Variants in PIBF1 observed in about 807,000 individuals in gnomAD.
PIBF1 encodes progesterone-induced-blocking factor 1.
PIBF1 carries 90 observed loss-of-function variants against 112.5 expected under a neutral mutation model. That is an observed-to-expected ratio of 0.80 (90% CI 0.67 to 0.95). PIBF1 has a LOEUF of 0.95. Among genes scored for constraint, PIBF1 ranks in the 40% least tolerant of loss-of-function variants. PIBF1 has a pLI of 0.00. For missense variants in PIBF1, 915 were observed against 852.3 expected (o/e 1.07, Z -0.92); for synonymous variants, 301 against 288.6 (o/e 1.04, Z -0.44).
At chr13:72,971,720 A>G (rs1008435479) in intron 15 of PIBF1, among the ~76,000 whole-genome samples, 3 of 152,202 alleles carry the variant, frequency 2.0e-5, no homozygotes, top group Non-Finnish European at 2.9e-5. Context: ...TTTTACAGAT[A>G]TAAAAACTGA....
At chr13:72,899,446 C>G (rs185817695) in intron 11 of PIBF1, among the ~76,000 whole-genome samples, 3 of 152,256 alleles carry the variant, frequency 2.0e-5, no homozygotes, top group African/African-American at 7.2e-5. Flanking sequence ...GGTTTCATAC[C>G]AGGGATGCTG....
At chr13:72,822,252 T>A (rs571479877) in intron 6 of PIBF1, among the ~76,000 whole-genome samples, 1 of 152,310 alleles carries the variant, frequency 6.6e-6, no homozygotes, top group South Asian at 2.1e-4. Context: ...TCAGTGTTAT[T>A]TGATGATTAT....
chr13:72,855,469 T>TA (rs1160851214), intron 10 of PIBF1, among the ~76,000 whole-genome samples: 1 of 152,018 alleles, frequency 6.6e-6, no homozygotes, highest in African/African-American at 2.4e-5. Flanking sequence ...GGCAACATGG[T>TA]AAAACCCCGT....
chr13:72,787,772 C>T (rs1006382138), intron 2 of PIBF1, among the ~76,000 whole-genome samples: 1 of 152,112 alleles, frequency 6.6e-6, no homozygotes, highest in Non-Finnish European at 1.5e-5. Flanking sequence ...GATTCTTGTG[C>T]CTCAGCCTCC....
At chr13:72,882,560 A>C (rs2039685055) in intron 10 of PIBF1, among the ~76,000 whole-genome samples, 1 of 152,222 alleles carries the variant, frequency 6.6e-6, no homozygotes, top group African/African-American at 2.4e-5. Context: ...TAATAACCAG[A>C]ATATATAAAG....
chr13:72,917,945 A>G (rs2138698430), intron 13 of PIBF1, among the ~76,000 whole-genome samples: 1 of 152,330 alleles, frequency 6.6e-6, no homozygotes, highest in East Asian at 1.9e-4. Context: ...GGATTTTGGT[A>G]TCCACAGGAG....
intron 16 of PIBF1, among the ~76,000 whole-genome samples, chr13:72,987,269 A>C (rs975131945): frequency 6.6e-6 from 1 of 152,000 alleles, no homozygotes; most frequent in African/African-American, 2.4e-5. Flanking sequence ...ACCAAAGGCT[A>C]GATGCTATGA....
intron 10 of PIBF1, among the ~76,000 whole-genome samples, chr13:72,889,990 G>T (rs2039999213): frequency 6.6e-6 from 1 of 152,022 alleles, no homozygotes; most frequent in Non-Finnish European, 1.5e-5. Flanking sequence ...AGTTAAAATG[G>T]GTTAAATATG....
At chr13:72,983,639 A>C (rs1050173402) in intron 16 of PIBF1, among the ~76,000 whole-genome samples, 1 of 152,142 alleles carries the variant, frequency 6.6e-6, no homozygotes, top group Admixed American at 6.5e-5. Context: ...ATTCTAACTC[A>C]TATGTTCTTT....
chr13:72,794,883 TG>T (rs547497233), intron 3 of PIBF1, among the ~76,000 whole-genome samples: 2 of 152,222 alleles, frequency 1.3e-5, no homozygotes, highest in Non-Finnish European at 2.9e-5. Flanking sequence ...CAATAATGTC[TG>T]CTACATGTAT....
rs550302773 is a variant in PIBF1 at position 72,830,621 on chromosome 13, A to T, written c.1097+2707A>T. 2.6e-5 allele frequency among the ~76,000 whole-genome samples: 4 copies of T among 152,270 alleles called. No homozygotes were observed. In the East Asian group the frequency reaches 7.7e-4, roughly 29 times the overall value. On this transcript the variant is annotated intron_variant, in intron 8 of 17. Coordinates refer to ENST00000326291, the MANE Select transcript of PIBF1 (RefSeq NM_006346.4). ...AACCAGCCTTGCCTCCCTGGTATGA[A>T]GCCAACTTGATCATGGTGGATAAGC... is the stretch of plus-strand genomic sequence containing the variant.
At chr13:72,860,273 A>G (rs972713069) in intron 10 of PIBF1, among the ~76,000 whole-genome samples, 36 of 150,774 alleles carry the variant, frequency 2.4e-4, no homozygotes, top group African/African-American at 8.3e-4. Context: ...TATTTAAAAG[A>G]TTTCTGTAGT....
chr13:72,937,824 TAAATG>T (rs529139882), intron 14 of PIBF1, among the ~76,000 whole-genome samples: 271 of 151,936 alleles, frequency 1.8e-3, no homozygotes, highest in Non-Finnish European at 2.4e-3. Flanking sequence ...CAAAAAAAAA[TAAATG>T]AAATGAAATA....
intron 16 of PIBF1, among the ~76,000 whole-genome samples, chr13:72,994,578 A>G (rs1302528348): frequency 1.3e-5 from 2 of 152,234 alleles, no homozygotes; most frequent in African/African-American, 4.8e-5. Context: ...CAATGCTGCA[A>G]ATAAACCCAC....
intron 4 of PIBF1, 122 bp from the exon 5 acceptor site, chr13:72,797,785 G>T (rs556721299): frequency 1.6e-4 from 110 of 697,596 alleles, no homozygotes; most frequent in Non-Finnish European, 2.4e-4. Flanking sequence ...GTCCATTAAT[G>T]ACTGTCTTGT....
Position 72,792,539 on chromosome 13 carries a change from A to C in PIBF1, c.345A>C (p.Lys115Asn). The change falls in exon 3 of 18, where the codon AAA becomes AAC. Residue 115 changes from lysine to asparagine, a missense_variant. Coordinates refer to ENST00000326291, the MANE Select transcript of PIBF1 (RefSeq NM_006346.4). ...RLDNQLAFQQ[K>N]DASKYQELMK... The stretch of plus-strand genomic sequence containing the variant: ...ACAACCAATTGGCTTTTCAACAGAA[A>C]GATGCCAGGTAAGAAAAGTTTTTTT... 6.6e-7 allele frequency: 1 copy of C among 1,520,572 alleles called. No individual in the cohort carries two copies. Among genetic ancestry groups the C allele is most frequent in the Non-Finnish European group, 8.9e-7 (1 of 1,128,922 alleles). 94.2% of individuals were successfully genotyped at this position (1,520,572 alleles called of 1,614,324 possible). A position where few individuals can be genotyped will look rare whatever the true frequency, so the allele number is the denominator to read the frequency against.
intron 16 of PIBF1, among the ~76,000 whole-genome samples, chr13:72,987,850 ATTTATTTATT>A (rs1191307457): frequency 4.5e-5 from 3 of 66,438 alleles, no homozygotes; most frequent in Non-Finnish European, 8.0e-5. Context: ...TTATTTATTT[ATTTATTTATT>A]TTTTTTTTTT....
chr13:72,783,421 A>G lies in PIBF1; in HGVS notation c.-47-2A>G. ...TTTGAATTAATGTTTTTTAACCTAC[A>G]GAATATTAAAATCAAATTAGAGAAG... On this transcript the variant is annotated splice_acceptor_variant, in intron 1 of 17. Transcript: ENST00000326291. LOFTEE classifies it low-confidence loss of function (5UTR_SPLICE). The G allele has an allele frequency of 8.0e-7, 1 of 1,256,076 alleles. No homozygotes were observed. Among genetic ancestry groups the G allele is most frequent in the Middle Eastern group, 1.9e-4 (1 of 5,130 alleles). 77.8% of individuals were successfully genotyped at this position (1,256,076 alleles called of 1,614,324 possible).
chr13:72,958,594 CCG>C (rs2042519103), intron 14 of PIBF1, among the ~76,000 whole-genome samples: 1 of 152,172 alleles, frequency 6.6e-6, no homozygotes, highest in Non-Finnish European at 1.5e-5. Context: ...ATCCCACTGT[CCG>C]TTCCACCACA....
Sources: allele counts gnomAD v4.1 joint callset (sites outside exome capture counted in the v4.1 genomes callset), GRCh38; gene constraint gnomAD v4.1.1; transcripts MANE v1.5; gene names NCBI Gene and HGNC (gene_info 2026-07-23, HGNC 2026-07-21).